COL10A1: variants seen among roughly 807,000 people sequenced by gnomAD.
The protein encoded by COL10A1 is collagen type X alpha 1 chain.
Under a neutral mutation model 18.2 loss-of-function variants are expected in COL10A1, and 10 were observed. That is an observed-to-expected ratio of 0.55 (90% CI 0.34 to 0.93). The LOEUF (loss-of-function observed/expected upper bound fraction) is 0.93. COL10A1 is among the 40% of genes least tolerant of loss of function. The pLI is 0.02. For synonymous variants in COL10A1, 330 were observed against 316.6 expected (o/e 1.04, Z -0.45); for missense variants, 897 against 853.5 (o/e 1.05, Z -0.64).
the COL10A1 span, among the ~76,000 whole-genome samples, chr6:116,215,680 G>A: frequency 2.0e-5 from 3 of 152,098 alleles, no homozygotes; most frequent in Admixed American, 2.0e-4. Context: ...AGGAAACTAG[G>A]TTCTTTTAGA....
the COL10A1 span, among the ~76,000 whole-genome samples, chr6:116,197,415 T>A: frequency 3.3e-5 from 5 of 151,996 alleles, no homozygotes; most frequent in African/African-American, 9.7e-5. Flanking sequence ...CTAAGCAGAA[T>A]TGAATCATTG....
intron 1 of COL10A1, among the ~76,000 whole-genome samples, chr6:116,151,256 G>A (rs1260230262): frequency 6.6e-6 from 1 of 152,164 alleles, no homozygotes; most frequent in Non-Finnish European, 1.5e-5. Flanking sequence ...TCTGAGATCA[G>A]AATATGTGGG....
intron 1 of COL10A1, among the ~76,000 whole-genome samples, chr6:116,156,890 T>G (rs562051967): frequency 2.0e-5 from 3 of 152,248 alleles, no homozygotes; most frequent in Admixed American, 2.0e-4. Flanking sequence ...CCCCTTTTGT[T>G]CTCCTCAGGA....
At chr6:116,202,651 A>G in the COL10A1 span, among the ~76,000 whole-genome samples, 1 of 152,054 alleles carries the variant, frequency 6.6e-6, no homozygotes, top group African/African-American at 2.4e-5. Flanking sequence ...ATCCAGTCAC[A>G]TGATGTTTGT....
chr6:116,136,707 T>C (rs1779614242), intron 1 of COL10A1, among the ~76,000 whole-genome samples: 1 of 152,238 alleles, frequency 6.6e-6, no homozygotes, highest in African/African-American at 2.4e-5. Flanking sequence ...AAAATCCATA[T>C]GCTGTTATCA....
the COL10A1 span, among the ~76,000 whole-genome samples, chr6:116,198,546 ATAAT>A: frequency 1.3e-5 from 2 of 151,902 alleles, no homozygotes; most frequent in African/African-American, 4.8e-5. Flanking sequence ...CCTGGACAGC[ATAAT>A]GAGACCTCAT....
At chr6:116,172,159 G>A in the COL10A1 span, among the ~76,000 whole-genome samples, 1 of 152,170 alleles carries the variant, frequency 6.6e-6, no homozygotes, top group African/African-American at 2.4e-5. Context: ...CCTTTCCTAA[G>A]TGATACAATC....
the COL10A1 span, among the ~76,000 whole-genome samples, chr6:116,200,278 C>T: frequency 6.6e-5 from 10 of 151,910 alleles, no homozygotes; most frequent in Admixed American, 5.9e-4. Context: ...AACTATGTCA[C>T]GGTCAAGAGT....
At chr6:116,190,556 G>A in the COL10A1 span, among the ~76,000 whole-genome samples, 1 of 151,942 alleles carries the variant, frequency 6.6e-6, no homozygotes, top group Non-Finnish European at 1.5e-5. Context: ...TTTTTACACA[G>A]CTAAAATTAA....
chr6:116,164,776 GT>G, the COL10A1 span, among the ~76,000 whole-genome samples: 1 of 152,168 alleles, frequency 6.6e-6, no homozygotes, highest in East Asian at 1.9e-4. Context: ...CTTAGCATTT[GT>G]TTGTTTGGGA....
rs1462933509 is a variant in COL10A1 at position 116,120,741 on chromosome 6, T to A, written c.1375A>T (p.Ile459Phe). The change falls in exon 3 of 3, where the codon ATT becomes TTT. Residue 459 changes from isoleucine to phenylalanine, a missense_variant. Coordinates refer to ENST00000651968, the MANE Select transcript of COL10A1 (RefSeq NM_000493.4). ...CCTTTAGACCCAGGGAATCCTGGAA[T>A]GCCTGGTGGCCCAATAGGGCCTCTA... is the stretch of plus-strand genomic sequence containing the variant. ...GTRGPIGPPG[I>F]PGFPGSKGDP... The A allele has an allele frequency of 6.3e-7, 1 of 1,593,772 alleles. No individual in the cohort carries two copies.
At chr6:116,203,030 C>T in the COL10A1 span, among the ~76,000 whole-genome samples, 3 of 151,882 alleles carry the variant, frequency 2.0e-5, no homozygotes, top group East Asian at 3.9e-4. Flanking sequence ...TAATTTAATA[C>T]ACAAATTTTT....
chr6:116,211,679 T>C, the COL10A1 span, among the ~76,000 whole-genome samples: 4 of 152,106 alleles, frequency 2.6e-5, no homozygotes, highest in South Asian at 4.1e-4. Flanking sequence ...CTGGACAAAC[T>C]GTGTACAAAT....
At chr6:116,214,890 C>T in the COL10A1 span, among the ~76,000 whole-genome samples, 5 of 152,042 alleles carry the variant, frequency 3.3e-5, no homozygotes, top group African/African-American at 1.2e-4. Context: ...TAAGATTAAA[C>T]GGTCCTTTGA....
In COL10A1 at chr6:116,120,534, C is replaced by T. The variant is rs767597666; in HGVS notation, c.1582G>A (p.Ala528Thr). ...QAVMPEGFIK[A>T]GQRPSLSGTP... ...CCAGAAAGACTGGGCCTTTGGCCTGCCTTTATAAAACCCTCAGGCATGACT... is the reference window on the plus strand; with the variant it reads ...CCAGAAAGACTGGGCCTTTGGCCTGTCTTTATAAAACCCTCAGGCATGACT... Residue 528 changes from alanine to threonine, a missense_variant, in exon 3 of 3, where the codon GCA becomes ACA. Coordinates refer to ENST00000651968, the MANE Select transcript of COL10A1 (RefSeq NM_000493.4). The T allele has an allele frequency of 1.2e-6, 2 of 1,613,980 alleles. No homozygotes were observed. The highest frequency in any genetic ancestry group is 1.7e-6 in the Non-Finnish European group (2 of 1,179,950).
chr6:116,138,279 C>T (rs370451708), intron 1 of COL10A1, among the ~76,000 whole-genome samples: 1 of 152,092 alleles, frequency 6.6e-6, no homozygotes, highest in East Asian at 1.9e-4. Flanking sequence ...CCAAGATCAC[C>T]ATGGTAAAGC....
At chr6:116,138,364 A>G (rs931543276) in intron 1 of COL10A1, among the ~76,000 whole-genome samples, 5 of 152,354 alleles carry the variant, frequency 3.3e-5, no homozygotes, top group Non-Finnish European at 5.9e-5. Flanking sequence ...CTACTTAACT[A>G]GGAACTACTG....
chr6:116,154,400 T>C (rs184683919), intron 1 of COL10A1, among the ~76,000 whole-genome samples: 147 of 152,248 alleles, frequency 9.7e-4, no homozygotes, highest in African/African-American at 3.3e-3. Context: ...ACATTGTTAT[T>C]ACTTGTTTTC....
At chr6:116,141,884 AAACACACAC>A (rs1391489047) in intron 1 of COL10A1, among the ~76,000 whole-genome samples, 49 of 119,062 alleles carry the variant, frequency 4.1e-4, no homozygotes, top group Admixed American at 1.0e-3. Flanking sequence ...GCCAAAAAGA[AAACACACAC>A]ACACACACAC....
Sources: gnomAD v4.1 joint callset for allele counts (sites outside exome capture counted in the v4.1 genomes callset) on GRCh38, gnomAD v4.1.1 for gene constraint, MANE v1.5 for transcripts, NCBI Gene and HGNC (gene_info 2026-07-23, HGNC 2026-07-21) for gene names.